Variants in DMD observed in about 807,000 individuals in gnomAD.
The protein encoded by DMD is mutant dystrophin.
A neutral mutation model predicts 330.1 loss-of-function variants in DMD; 63 were observed. That is an observed-to-expected ratio of 0.19 (90% CI 0.16 to 0.24). DMD has a LOEUF of 0.24. DMD is among the 10% of genes least tolerant of loss of function. The probability of loss-of-function intolerance (pLI) is 1.00; values close to 1 mark genes in which losing one functional copy is unlikely to be tolerated. For missense variants in DMD, 3,344 were observed against 2,684.1 expected (o/e 1.25, Z -5.43); for synonymous variants, 1,223 against 959.8 (o/e 1.27, Z -5.07).
In DMD at chrX:31,998,406, G is replaced by C. The variant is rs113983210; in HGVS notation, c.6439-29892C>G. On this transcript the variant is annotated intron_variant, in intron 44 of 78. Coordinates refer to ENST00000357033, the MANE Select transcript of DMD (RefSeq NM_004006.3). ...TTTACATCAACTCAAATGTTACCCA[G>C]ATCTGACTGTGTACTTTTAGCCCAG... Among the ~76,000 whole-genome samples, 9 of 111,862 alleles carry C rather than the reference G, an allele frequency of 8.0e-5. No homozygotes were observed. The Admixed American group carries it at 8.6e-4, about 11-fold the overall frequency.
intron 33 of DMD, among the ~76,000 whole-genome samples, chrX:32,384,279 C>T (rs1302502520): frequency 9.1e-6 from 1 of 110,027 alleles, no homozygotes; most frequent in Non-Finnish European, 1.9e-5. Flanking sequence ...AATTGATAAG[C>T]ACCGGAATAA....
rs371611184 is a variant in DMD, at chrX:33,173,678, T to G, written c.31+37604A>C. The stretch of plus-strand genomic sequence containing the variant: ...TAGAATGATAACATTATTACTGGAA[T>G]TCTCAGAAGAACTTGGCAATCCAAG... On this transcript the variant is annotated intron_variant, in intron 1 of 78. Transcript: ENST00000357033. Among the ~76,000 whole-genome samples the G allele has an allele frequency of 3.7e-4, 41 of 111,212 alleles. 1 individual carries two copies. In the South Asian group the frequency reaches 6.0e-3, roughly 16 times the overall value.
At chrX:32,294,954 G>A (rs910415448) in intron 42 of DMD, among the ~76,000 whole-genome samples, 17 of 111,315 alleles carry the variant, frequency 1.5e-4, no homozygotes, top group South Asian at 3.8e-4. Flanking sequence ...TTGCTATGGC[G>A]ATATAAACAT....
At chrX:32,822,379 T>C (rs1007509150) in intron 5 of DMD, among the ~76,000 whole-genome samples, 3 of 110,984 alleles carry the variant, frequency 2.7e-5, no homozygotes, top group African/African-American at 9.8e-5. Context: ...TATATATATA[T>C]ACACATACAT....
chrX:33,259,031 A>C (rs1294509120), intron 1 of DMD, among the ~76,000 whole-genome samples: 1 of 111,503 alleles, frequency 9.0e-6, no homozygotes, highest in African/African-American at 3.2e-5. Flanking sequence ...GATATGGACA[A>C]AACTTATCTT....
chrX:32,049,366 A>G (rs1172321464), intron 44 of DMD, among the ~76,000 whole-genome samples: 1 of 111,828 alleles, frequency 8.9e-6, no homozygotes, highest in African/African-American at 3.2e-5. Context: ...TTATTCATGC[A>G]TAACCGCAAC....
chrX:31,466,507 T>A (rs1235735268), intron 59 of DMD, among the ~76,000 whole-genome samples: 5 of 111,474 alleles, frequency 4.5e-5, no homozygotes, highest in Non-Finnish European at 9.4e-5. Flanking sequence ...GAGGCCTCTG[T>A]TCCATTGGTC....
In DMD at chrX:32,809,516, A is replaced by G. The variant is rs372832497; in HGVS notation, c.626T>C (p.Ile209Thr). The change falls in exon 7 of 79, where the codon ATA becomes ACA. Residue 209 changes from isoleucine to threonine, a missense_variant. By Grantham distance (89) the Ile-to-Thr change is moderately conservative (BLOSUM62 -1). Transcript: ENST00000357033. ...AFNIARYQLG[I>T]EKLLDPEDVD... ...ACCTTCAGGATCGAGTAGTTTCTCTATGCCTAATTGATATCTGGCGATGTT... is the reference window on the plus strand; with the variant it reads ...ACCTTCAGGATCGAGTAGTTTCTCTGTGCCTAATTGATATCTGGCGATGTT... The G allele has an allele frequency of 1.7e-5, 20 of 1,208,864 alleles. No homozygotes were observed. The highest frequency in any genetic ancestry group is 2.2e-5 in the Non-Finnish European group (20 of 894,530).
At chrX:32,521,567 T>G (rs1341214051) in intron 17 of DMD, among the ~76,000 whole-genome samples, 1 of 112,523 alleles carries the variant, frequency 8.9e-6, no homozygotes, top group Admixed American at 9.4e-5. Context: ...TCAATGATTC[T>G]GATATGTATA....
intron 1 of DMD, among the ~76,000 whole-genome samples, chrX:33,231,592 T>A (rs996498209): frequency 9.0e-6 from 1 of 111,632 alleles, no homozygotes; most frequent in Admixed American, 9.5e-5. Flanking sequence ...ACAAAGGAAC[T>A]ACTTTCAGAG....
chrX:31,556,613 T>C (rs1421778562), intron 55 of DMD, among the ~76,000 whole-genome samples: 1 of 109,275 alleles, frequency 9.2e-6, no homozygotes, highest in Admixed American at 9.8e-5. Context: ...TTTAAATATA[T>C]GATCAAAGAA....
intron 55 of DMD, among the ~76,000 whole-genome samples, chrX:31,612,876 T>C (rs1032003407): frequency 2.9e-4 from 32 of 112,240 alleles, no homozygotes; most frequent in African/African-American, 9.7e-4. Flanking sequence ...GGGAAGTTAT[T>C]TAATTTATGT....
intron 60 of DMD, among the ~76,000 whole-genome samples, chrX:31,393,952 C>G (rs2060800420): frequency 8.9e-6 from 1 of 112,336 alleles, no homozygotes; most frequent in African/African-American, 3.2e-5. Flanking sequence ...TACAACAAGG[C>G]TTACAAGATG....
At chrX:31,591,065 T>C (rs1488634771) in intron 55 of DMD, among the ~76,000 whole-genome samples, 1 of 111,989 alleles carries the variant, frequency 8.9e-6, no homozygotes, top group African/African-American at 3.2e-5. Context: ...GAGTAAAACT[T>C]ACCAGATTTT....
intron 67 of DMD, among the ~76,000 whole-genome samples, chrX:31,190,631 GGT>G (rs2042249274): frequency 1.4e-5 from 1 of 71,888 alleles, no homozygotes; most frequent in Non-Finnish European, 2.6e-5. Context: ...GCGGGGAGGG[GGT>G]GCTACTAGCA....
At chrX:31,141,201 A>AAACAACAAC (rs34805586) in intron 76 of DMD, among the ~76,000 whole-genome samples, 2,125 of 105,878 alleles carry the variant, frequency 0.02, 50 homozygotes, top group African/African-American at 0.068. Context: ...CACACAAAAG[A>AAACAACAAC]AACAACAACA....
intron 2 of DMD, among the ~76,000 whole-genome samples, chrX:32,902,352 T>C (rs974634299): frequency 4.5e-5 from 5 of 110,940 alleles, no homozygotes; most frequent in East Asian, 2.8e-4. Flanking sequence ...CATGATATAT[T>C]TAGAAAGACA....
At chrX:31,761,419 A>G (rs1339493413) in intron 51 of DMD, among the ~76,000 whole-genome samples, 1 of 111,360 alleles carries the variant, frequency 9.0e-6, no homozygotes, top group African/African-American at 3.3e-5. Context: ...AAAGTGTTAC[A>G]AGAAAGGCAA....
Position 31,555,052 on chromosome X carries a change from G to C in DMD, c.8218-47599C>G, listed in dbSNP as rs974550989. Among the ~76,000 whole-genome samples, 2 of 111,889 alleles carry C rather than the reference G, an allele frequency of 1.8e-5. 1 individual carries two copies. Among genetic ancestry groups the C allele is most frequent in the South Asian group, 7.5e-4 (2 of 2,679 alleles). On this transcript the variant is annotated intron_variant, in intron 55 of 78. Transcript: ENST00000357033. ...AGCAAGAAACAAAGATATTTTATTTGATTGTAGAGTTCAGTAAAGAGGGAT... is the reference window on the plus strand; with the variant it reads ...AGCAAGAAACAAAGATATTTTATTTCATTGTAGAGTTCAGTAAAGAGGGAT...
Sources: allele counts gnomAD v4.1 joint callset (sites outside exome capture counted in the v4.1 genomes callset), GRCh38; gene constraint gnomAD v4.1.1; transcripts MANE v1.5; gene names NCBI Gene and HGNC (gene_info 2026-07-23, HGNC 2026-07-21).